The following SESN1 variants were observed in gnomAD, a reference collection of about 807,000 sequenced individuals.
SESN1 encodes sestrin-1.
A neutral mutation model predicts 59.3 loss-of-function variants in SESN1; 30 were observed. The ratio of observed to expected loss-of-function variants is 0.51; its 90% CI spans 0.38 to 0.69. The LOEUF (loss-of-function observed/expected upper bound fraction) is 0.69, where lower values mean the gene tolerates loss of function less well. Among genes scored for constraint, SESN1 ranks in the 30% least tolerant of loss-of-function variants. SESN1 has a pLI of 0.00. For missense variants in SESN1, 566 were observed against 673.0 expected (o/e 0.84, Z 1.76); for synonymous variants, 197 against 219.9 (o/e 0.90, Z 0.92).
intron 1 of SESN1, among the ~76,000 whole-genome samples, chr6:109,052,669 A>T (rs1407709001): frequency 1.3e-5 from 2 of 152,218 alleles, no homozygotes; most frequent in African/African-American, 4.8e-5. Flanking sequence ...CAGGTTTTAT[A>T]TAAGTTACTG....
intron 1 of SESN1, among the ~76,000 whole-genome samples, chr6:109,051,341 G>C (rs1350016909): frequency 6.6e-6 from 1 of 152,062 alleles, no homozygotes; most frequent in Non-Finnish European, 1.5e-5. Context: ...GACAATAATG[G>C]TGCTACTTCA....
chr6:109,002,352 GAAAATTAC>G lies in SESN1; in HGVS notation c.280-17_280-10del. 6.2e-7 allele frequency: 1 copy of G among 1,611,478 alleles called. No homozygotes were observed. Among genetic ancestry groups the G allele is most frequent in the Non-Finnish European group, 8.5e-7 (1 of 1,177,848 alleles). ...ATTCTAATGCCAAGTTCCTAGAAAAGAAAATTACACCATCTCAGGCCTTTGGCAGTAAA... is the reference window on the plus strand; with the variant it reads ...ATTCTAATGCCAAGTTCCTAGAAAAGACCATCTCAGGCCTTTGGCAGTAAA... On this transcript the variant is annotated splice_polypyrimidine_tract_variant and intron_variant, in intron 1 of 9. Transcript: ENST00000436639.
At position 109,077,552 on chromosome 6, in the gene SESN1, T is replaced by C. The variant is rs115092010; in HGVS notation, c.279+16243A>G. Among the ~76,000 whole-genome samples, 1,195 of 152,162 alleles carry C rather than the reference T, an allele frequency of 7.9e-3. 21 individuals are homozygous for C. The highest frequency in any genetic ancestry group is 0.028 in the African/African-American group (1,145 of 41,512). On this transcript the variant is annotated intron_variant, in intron 1 of 9. Transcript: ENST00000436639. ...GTAAACCCCAAATATAAAAAGACAA[T>C]AGTATGGCATGAACTGAGTTTTGCA... is the stretch of plus-strand genomic sequence containing the variant.
intron 6 of SESN1, among the ~76,000 whole-genome samples, chr6:108,994,069 G>A (rs1052674578): frequency 6.1e-5 from 9 of 148,090 alleles, no homozygotes; most frequent in Non-Finnish European, 1.2e-4. Flanking sequence ...GAGCCTAAGA[G>A]TCTCAGGTTA....
At chr6:109,052,940 A>G (rs957667621) in intron 1 of SESN1, among the ~76,000 whole-genome samples, 7 of 152,222 alleles carry the variant, frequency 4.6e-5, no homozygotes, top group African/African-American at 7.2e-5. Context: ...GGAGACAGAC[A>G]TTAATCAAAC....
At chr6:109,006,677 A>G (rs1274007851) in intron 1 of SESN1, among the ~76,000 whole-genome samples, 1 of 152,096 alleles carries the variant, frequency 6.6e-6, no homozygotes, top group African/African-American at 2.4e-5. Context: ...TACCACTGTT[A>G]TTATACAGTA....
At chr6:109,009,600 C>A (rs1420110017) in intron 1 of SESN1, 1 of 1,042,958 alleles carries the variant, frequency 9.6e-7, no homozygotes, top group Non-Finnish European at 1.2e-6. Flanking sequence ...CGGCCCCGCC[C>A]CGCGCCCGTC....
At chr6:109,043,385 A>C (rs867100795) in intron 1 of SESN1, among the ~76,000 whole-genome samples, 3 of 152,144 alleles carry the variant, frequency 2.0e-5, no homozygotes, top group Admixed American at 6.5e-5. Flanking sequence ...CAGATAAAAA[A>C]CAACAACAAC....
At chr6:109,091,067 G>A (rs1455932653) in intron 1 of SESN1, among the ~76,000 whole-genome samples, 1 of 151,998 alleles carries the variant, frequency 6.6e-6, no homozygotes, top group Non-Finnish European at 1.5e-5. Context: ...GAGCCACCCC[G>A]CCCAACTTAG....
intron 1 of SESN1, among the ~76,000 whole-genome samples, chr6:109,017,995 C>G (rs1035837572): frequency 6.6e-6 from 1 of 152,108 alleles, no homozygotes; most frequent in Non-Finnish European, 1.5e-5. Flanking sequence ...GGCGAGAACC[C>G]TGTCTCTTTC....
At chr6:109,060,136 C>T (rs1243828172) in intron 1 of SESN1, among the ~76,000 whole-genome samples, 2 of 152,084 alleles carry the variant, frequency 1.3e-5, no homozygotes, top group African/African-American at 4.8e-5. Flanking sequence ...CACACACACA[C>T]ACACATTTAT....
intron 1 of SESN1, among the ~76,000 whole-genome samples, chr6:109,040,423 C>CA (rs1780319272): frequency 6.6e-6 from 1 of 152,088 alleles, no homozygotes; most frequent in Non-Finnish European, 1.5e-5. Flanking sequence ...ATTTCTCTGT[C>CA]AATTTAGTTG....
intron 1 of SESN1, among the ~76,000 whole-genome samples, chr6:109,064,444 A>T (rs1780782859): frequency 6.6e-6 from 1 of 151,158 alleles, no homozygotes; most frequent in Non-Finnish European, 1.5e-5. Flanking sequence ...ACACCAAAAT[A>T]GAAAATGATT....
intron 8 of SESN1, 114 bp downstream of exon 8, chr6:108,990,531 G>C: frequency 1.1e-6 from 1 of 907,594 alleles, no homozygotes; most frequent in Non-Finnish European, 1.7e-6. Context: ...ATAAGTTATT[G>C]GGGAGGGGAT....
intron 1 of SESN1, among the ~76,000 whole-genome samples, chr6:109,089,668 A>G (rs576732507): frequency 3.2e-4 from 49 of 152,312 alleles, no homozygotes; most frequent in African/African-American, 1.2e-3. Context: ...TCAGAAAACA[A>G]TTGCACAATT....
At chr6:109,080,534 T>A (rs1196172824) in intron 1 of SESN1, among the ~76,000 whole-genome samples, 1 of 152,174 alleles carries the variant, frequency 6.6e-6, no homozygotes, top group Non-Finnish European at 1.5e-5. Flanking sequence ...AGTTTCAACA[T>A]GGGTCAAGGT....
At chr6:109,012,762 G>A (rs2114351699) in intron 1 of SESN1, among the ~76,000 whole-genome samples, 1 of 152,254 alleles carries the variant, frequency 6.6e-6, no homozygotes, top group South Asian at 2.1e-4. Flanking sequence ...GCAGAATACA[G>A]GAAGCTCAAT....
At chr6:109,075,523 T>C (rs568321958) in intron 1 of SESN1, among the ~76,000 whole-genome samples, 2 of 152,346 alleles carry the variant, frequency 1.3e-5, no homozygotes, top group East Asian at 3.9e-4. Context: ...AAGGCCCATG[T>C]GGCAAAGAAC....
chr6:109,011,554 T>G lies in SESN1; in HGVS notation c.280-9211A>C, dbSNP rs1310556200. ...CTAGAGTGAATTAGTCACTCTATTCTCCAACATAAAAAGGTTGCCTCCAAA... is the reference window on the plus strand; with the variant it reads ...CTAGAGTGAATTAGTCACTCTATTCGCCAACATAAAAAGGTTGCCTCCAAA... On this transcript the variant is annotated intron_variant, in intron 1 of 9. Transcript: ENST00000436639. 2.6e-5 allele frequency among the ~76,000 whole-genome samples: 4 copies of G among 152,162 alleles called. No homozygotes were observed. The East Asian group carries it at 7.7e-4, about 29-fold the overall frequency.
Sources: gnomAD v4.1 joint callset for allele counts (sites outside exome capture counted in the v4.1 genomes callset) on GRCh38, gnomAD v4.1.1 for gene constraint, MANE v1.5 for transcripts, NCBI Gene and HGNC (gene_info 2026-07-23, HGNC 2026-07-21) for gene names.